Variants in PCDH9 observed in about 807,000 individuals in gnomAD.
PCDH9 encodes the protein protocadherin-9.
Under a neutral mutation model 70.6 loss-of-function variants are expected in PCDH9, and 24 were observed. The observed-to-expected ratio is 0.34, with a 90% confidence interval of 0.25 to 0.48. PCDH9 has a LOEUF of 0.48. Ranked by LOEUF, PCDH9 falls within the 20% of genes least tolerant of loss-of-function variation. The pLI is 0.99. For missense variants in PCDH9, 1,281 were observed against 1,503.6 expected, an observed-to-expected ratio of 0.85 and a Z score of 2.45; for synonymous variants, 562 against 558.5, an observed-to-expected ratio of 1.01 and a Z score of -0.09.
At chr13:66,611,025 G>A (rs950110395) in intron 4 of PCDH9, among the ~76,000 whole-genome samples, 4 of 152,154 alleles carry the variant, frequency 2.6e-5, no homozygotes, top group South Asian at 4.1e-4. Flanking sequence ...GCTAGTTCAA[G>A]TTTTCTTACA....
At chr13:66,687,914 GT>G (rs1359228025) in intron 3 of PCDH9, among the ~76,000 whole-genome samples, 2 of 152,188 alleles carry the variant, frequency 1.3e-5, no homozygotes, top group South Asian at 2.1e-4. Flanking sequence ...AAATTCAAAA[GT>G]TTTTCTTTTG....
intron 4 of PCDH9, among the ~76,000 whole-genome samples, chr13:66,369,869 T>C (rs985987118): frequency 9.2e-5 from 14 of 152,148 alleles, no homozygotes; most frequent in African/African-American, 3.4e-4. Flanking sequence ...TTTGGGATGA[T>C]ATTTTGTCAA....
chr13:67,094,765 T>C (rs1443164920), intron 2 of PCDH9, among the ~76,000 whole-genome samples: 3 of 152,112 alleles, frequency 2.0e-5, no homozygotes, highest in African/African-American at 7.2e-5. Context: ...GAACCTTCTG[T>C]CCAATTTCTA....
chr13:66,386,500 A>C (rs886604346), intron 4 of PCDH9, among the ~76,000 whole-genome samples: 1 of 152,140 alleles, frequency 6.6e-6, no homozygotes, highest in African/African-American at 2.4e-5. Flanking sequence ...TACTTACTAA[A>C]TGTAATTTTA....
chr13:66,738,177 C>T (rs1169985695), intron 3 of PCDH9, among the ~76,000 whole-genome samples: 2 of 152,064 alleles, frequency 1.3e-5, no homozygotes, highest in Non-Finnish European at 2.9e-5. Flanking sequence ...CAAGTGGGTC[C>T]CTGACCCCTG....
chr13:66,986,233 A>G (rs1278159511), intron 2 of PCDH9, among the ~76,000 whole-genome samples: 1 of 151,990 alleles, frequency 6.6e-6, no homozygotes. Context: ...CACTATCACA[A>G]GAACAGCATG....
intron 4 of PCDH9, among the ~76,000 whole-genome samples, chr13:66,452,548 C>T (rs1198759588): frequency 6.6e-6 from 1 of 152,108 alleles, no homozygotes. Context: ...TCTTACACCA[C>T]TTCTTTGGTT....
In PCDH9 at chr13:66,730,897, T is replaced by TTTTTTTTTTTTGTTTTG. The variant is rs1555262885; in HGVS notation, c.3139-99487_3139-99486insCAAAACAAAAAAAAAAA. The stretch of plus-strand genomic sequence containing the variant: ...GTGTGTTTTTTTTTTGTTTGTTTCT[T>TTTTTTTTTTTTGTTTTG]TTTTTTTGTGGAGACAGAGGTCTCA... On this transcript the variant is annotated intron_variant, in intron 3 of 4. Coordinates refer to ENST00000377865, the MANE Select transcript of PCDH9 (RefSeq NM_203487.3). Among the ~76,000 whole-genome samples, 20 of 129,098 alleles carry TTTTTTTTTTTTGTTTTG rather than the reference T, an allele frequency of 1.5e-4. 2 individuals are homozygous for TTTTTTTTTTTTGTTTTG. The highest frequency in any genetic ancestry group is 2.4e-4 in the Non-Finnish European group (15 of 61,840). 84.7% of individuals were successfully genotyped at this position (129,098 alleles called of 152,430 possible).
chr13:67,118,774 A>G (rs1017465521), intron 2 of PCDH9, among the ~76,000 whole-genome samples: 25 of 152,186 alleles, frequency 1.6e-4, no homozygotes, highest in African/African-American at 5.1e-4. Flanking sequence ...ATCTATATCT[A>G]TGACACCACA....
chr13:66,349,096 TGAATTA>T (rs2138165025), intron 4 of PCDH9, among the ~76,000 whole-genome samples: 1 of 152,270 alleles, frequency 6.6e-6, no homozygotes, highest in South Asian at 2.1e-4. Flanking sequence ...GGTGCAATTC[TGAATTA>T]CTGAGAGTTT....
At chr13:66,846,214 T>C (rs1386145396) in intron 3 of PCDH9, among the ~76,000 whole-genome samples, 1 of 151,366 alleles carries the variant, frequency 6.6e-6, no homozygotes, top group African/African-American at 2.4e-5. Context: ...TACTGGTATA[T>C]ATTTAGAAAA....
chr13:66,905,999 T>G (rs187201796), intron 2 of PCDH9, among the ~76,000 whole-genome samples: 2 of 152,296 alleles, frequency 1.3e-5, no homozygotes, highest in East Asian at 3.9e-4. Flanking sequence ...ATAATCAGAC[T>G]TTTACTGAGT....
intron 3 of PCDH9, among the ~76,000 whole-genome samples, chr13:66,686,711 T>A (rs908516579): frequency 6.6e-6 from 1 of 152,074 alleles, no homozygotes; most frequent in South Asian, 2.1e-4. Flanking sequence ...CAGTGTGTAG[T>A]TTGGTGAGTG....
chr13:66,823,672 G>A (rs1043054417), intron 3 of PCDH9, among the ~76,000 whole-genome samples: 2 of 151,876 alleles, frequency 1.3e-5, no homozygotes, highest in Non-Finnish European at 2.9e-5. Context: ...TTTGAGATAC[G>A]GCTAAAAACT....
chr13:66,930,810 C>T (rs980935830), intron 2 of PCDH9, among the ~76,000 whole-genome samples: 2 of 151,894 alleles, frequency 1.3e-5, no homozygotes, highest in Non-Finnish European at 2.9e-5. Flanking sequence ...CATTTTCTGA[C>T]CCACCGAAAA....
intron 2 of PCDH9, among the ~76,000 whole-genome samples, chr13:67,192,610 G>T (rs919230803): frequency 6.6e-6 from 1 of 152,152 alleles, no homozygotes; most frequent in African/African-American, 2.4e-5. Flanking sequence ...TATTAGAAAT[G>T]TATTAGAAAG....
chr13:66,868,441 T>A (rs1185609767), intron 3 of PCDH9, among the ~76,000 whole-genome samples: 1 of 152,054 alleles, frequency 6.6e-6, no homozygotes, highest in Non-Finnish European at 1.5e-5. Context: ...CATATTCTCA[T>A]AGATACATTT....
chr13:66,916,605 C>T (rs1566291101), intron 2 of PCDH9, among the ~76,000 whole-genome samples: 1 of 151,404 alleles, frequency 6.6e-6, no homozygotes, highest in Non-Finnish European at 1.5e-5. Flanking sequence ...AAAAATATAG[C>T]TCTGAGTCTA....
chr13:66,497,089 A>G (rs1959128712), intron 4 of PCDH9, among the ~76,000 whole-genome samples: 1 of 151,150 alleles, frequency 6.6e-6, no homozygotes, highest in South Asian at 2.1e-4. Context: ...TTTTTTTTAG[A>G]CGGGTCCTTG....
Sources: allele counts gnomAD v4.1 joint callset (sites outside exome capture counted in the v4.1 genomes callset), GRCh38; gene constraint gnomAD v4.1.1; transcripts MANE v1.5; gene names NCBI Gene and HGNC (gene_info 2026-07-23, HGNC 2026-07-21).